The following GLIS3 variants were observed in gnomAD, a reference collection of about 807,000 sequenced individuals.
The protein encoded by GLIS3 is GLIS family zinc finger 3.
In GLIS3, 53 loss-of-function variants were observed where a neutral mutation model predicts 78.6. The observed-to-expected ratio is 0.67, with a 90% CI of 0.54 to 0.85. GLIS3 has a LOEUF of 0.85. Ranked by LOEUF, GLIS3 falls within the 40% of genes least tolerant of loss-of-function variation. The pLI, the probability that GLIS3 is intolerant of heterozygous loss-of-function variation, is 0.00. For synonymous variants in GLIS3, 684 were observed against 509.9 expected (o/e 1.34, Z -4.60); for missense variants, 1,703 against 1,231.1 (o/e 1.38, Z -5.74).
At chr9:4,098,598 C>G (rs1830136716) in intron 4 of GLIS3, among the ~76,000 whole-genome samples, 1 of 152,186 alleles carries the variant, frequency 6.6e-6, no homozygotes, top group South Asian at 2.1e-4. Context: ...ATGTATCCTA[C>G]AACTGTGCCT....
the GLIS3 span, among the ~76,000 whole-genome samples, chr9:4,417,290 G>C: frequency 6.6e-6 from 1 of 152,036 alleles, no homozygotes; most frequent in South Asian, 2.1e-4. Context: ...GTGTTGTTGG[G>C]GACTGATATT....
chr9:3,921,390 G>C (rs1220786312), intron 6 of GLIS3, among the ~76,000 whole-genome samples: 1 of 152,190 alleles, frequency 6.6e-6, no homozygotes, highest in Non-Finnish European at 1.5e-5. Flanking sequence ...GGAACCGGAA[G>C]CTCAGAGAAG....
chr9:4,014,926 G>T (rs1003094957), intron 4 of GLIS3, among the ~76,000 whole-genome samples: 3 of 152,158 alleles, frequency 2.0e-5, no homozygotes, highest in Non-Finnish European at 4.4e-5. Flanking sequence ...TCTTTCTGAG[G>T]TCACTGCGCC....
the GLIS3 span, among the ~76,000 whole-genome samples, chr9:4,398,558 C>T: frequency 2.0e-5 from 3 of 151,992 alleles, no homozygotes; most frequent in Non-Finnish European, 4.4e-5. Context: ...CCCCCTGCTC[C>T]AGCTCAATTT....
At chr9:4,268,529 T>C (rs989789586) in intron 2 of GLIS3, among the ~76,000 whole-genome samples, 1 of 152,146 alleles carries the variant, frequency 6.6e-6, no homozygotes, top group African/African-American at 2.4e-5. Flanking sequence ...TTCAATAATA[T>C]GGTTTAGTGT....
the GLIS3 span, among the ~76,000 whole-genome samples, chr9:4,420,317 T>G: frequency 6.6e-6 from 1 of 152,166 alleles, no homozygotes; most frequent in Admixed American, 6.5e-5. Context: ...ATCATTTTCT[T>G]CCATCACTGA....
intron 2 of GLIS3, among the ~76,000 whole-genome samples, chr9:4,344,551 C>G (rs1817876043): frequency 6.6e-6 from 1 of 152,202 alleles, no homozygotes; most frequent in African/African-American, 2.4e-5. Context: ...TTCACACTCG[C>G]TCACTCCCTG....
rs553252798 is a variant in GLIS3, at chr9:4,168,093, G to GA, written c.389-42153dup. 8.9e-3 allele frequency among the ~76,000 whole-genome samples: 1,358 copies of GA among 152,194 alleles called. 19 individuals carry two copies. The highest frequency in any genetic ancestry group is 0.032 in the African/African-American group (1,313 of 41,498). ...AATGCAATCATTTCCTTACCTCCTT[G>GA]ACAGCAAAGGCTTTCAACTGAAAAC... On this transcript the variant is annotated intron_variant, in intron 2 of 10. Coordinates refer to ENST00000381971, the MANE Select transcript of GLIS3 (RefSeq NM_001042413.2).
Position 3,837,354 on chromosome 9 carries a change from G to A in GLIS3, c.2474-7862C>T, listed in dbSNP as rs151197567. 5.2e-3 allele frequency among the ~76,000 whole-genome samples: 798 copies of A among 152,338 alleles called. 5 individuals carry two copies. The highest frequency in any genetic ancestry group is 7.2e-3 in the Non-Finnish European group (489 of 68,036). Reference sequence around the variant, plus strand: ...AATGGTACAGCCACTTTAGAAGACAGGTTGGCAGTATCTTGCAAAACTAAA... The same window carrying A: ...AATGGTACAGCCACTTTAGAAGACAAGTTGGCAGTATCTTGCAAAACTAAA... On this transcript the variant is annotated intron_variant, in intron 9 of 10. Transcript: ENST00000381971.
chr9:3,997,116 G>A (rs2129865655), intron 4 of GLIS3, among the ~76,000 whole-genome samples: 1 of 152,326 alleles, frequency 6.6e-6, no homozygotes, highest in South Asian at 2.1e-4. Flanking sequence ...GGGAGGCCAA[G>A]GCAGGCAGAT....
At chr9:4,204,638 C>A (rs1344532078) in intron 2 of GLIS3, among the ~76,000 whole-genome samples, 1 of 152,086 alleles carries the variant, frequency 6.6e-6, no homozygotes, top group Admixed American at 6.6e-5. Context: ...AGGAATCAGG[C>A]CGGGCACAGT....
intron 2 of GLIS3, among the ~76,000 whole-genome samples, chr9:4,257,252 G>A (rs1409569150): frequency 6.6e-6 from 1 of 152,080 alleles, no homozygotes; most frequent in African/African-American, 2.4e-5. Flanking sequence ...AAGAAAAATA[G>A]TGCATGATCT....
At chr9:3,946,547 G>T (rs1340211166) in intron 4 of GLIS3, among the ~76,000 whole-genome samples, 1 of 152,146 alleles carries the variant, frequency 6.6e-6, no homozygotes, top group Admixed American at 6.5e-5. Flanking sequence ...ACTGTAAAAT[G>T]TATCTTTAAA....
At chr9:4,394,157 G>A in the GLIS3 span, among the ~76,000 whole-genome samples, 11 of 151,914 alleles carry the variant, frequency 7.2e-5, no homozygotes, top group Middle Eastern at 3.4e-3. Flanking sequence ...ATTGCTAACC[G>A]TGAGGACCCA....
At chr9:4,490,114 G>C in the GLIS3 span, among the ~76,000 whole-genome samples, 1 of 152,236 alleles carries the variant, frequency 6.6e-6, no homozygotes, top group Non-Finnish European at 1.5e-5. Flanking sequence ...TGTGGAGAAC[G>C]GAGAGGGAGA....
chr9:4,258,023 A>G (rs1468258154), intron 2 of GLIS3, among the ~76,000 whole-genome samples: 1 of 152,200 alleles, frequency 6.6e-6, no homozygotes, highest in African/African-American at 2.4e-5. Context: ...ATTCAAAACA[A>G]TACTGTAGGC....
chr9:3,923,784 T>C (rs1825051058), intron 6 of GLIS3, among the ~76,000 whole-genome samples: 1 of 152,290 alleles, frequency 6.6e-6, no homozygotes, highest in East Asian at 1.9e-4. Flanking sequence ...ATGCATATAA[T>C]GCTGATGGGC....
the GLIS3 span, among the ~76,000 whole-genome samples, chr9:4,454,150 T>TAAAAAAAAAAAAAAAAAAAA: frequency 7.8e-6 from 1 of 128,854 alleles, no homozygotes; most frequent in Non-Finnish European, 1.6e-5. Context: ...TATATGATGA[T>TAAAAAAAAAAAAAAAAAAAA]AAAAAAAAAA....
chr9:3,926,862 T>G (rs1015263242), intron 6 of GLIS3, among the ~76,000 whole-genome samples: 1 of 151,998 alleles, frequency 6.6e-6, no homozygotes, highest in Non-Finnish European at 1.5e-5. Flanking sequence ...TGGCCTCAAG[T>G]GATCCACCCA....
Sources: allele counts gnomAD v4.1 joint callset (sites outside exome capture counted in the v4.1 genomes callset), GRCh38; gene constraint gnomAD v4.1.1; transcripts MANE v1.5; gene names NCBI Gene and HGNC (gene_info 2026-07-23, HGNC 2026-07-21).